SIGLEC9: variants seen among roughly 807,000 people sequenced by gnomAD.
SIGLEC9 encodes sialic acid binding Ig like lectin 9.
SIGLEC9 carries 26 observed loss-of-function variants against 38.3 expected under a neutral mutation model. That is an observed-to-expected ratio of 0.68 (90% confidence interval 0.50 to 0.94). The LOEUF is 0.94. SIGLEC9 is among the 40% of genes least tolerant of loss of function. The pLI is 0.00. For missense variants in SIGLEC9, 556 were observed against 585.7 expected (o/e 0.95, Z 0.52); for synonymous variants, 236 against 248.0 (o/e 0.95, Z 0.45).
At position 51,130,027 on chromosome 19, in the gene SIGLEC9, G is replaced by A. The variant is rs150823857; in HGVS notation, c.1340G>A (p.Arg447Gln). The A allele has an allele frequency of 3.4e-5, 55 of 1,613,794 alleles. No homozygotes were observed. Among genetic ancestry groups the A allele is most frequent in the African/African-American group, 2.9e-4 (22 of 74,992 alleles). ...CAGATGGTGAAGCCTTGGGACTCGC[G>A]GGGACAGGAGGCCACTGACACCGAG... ...SFQMVKPWDS[R>Q]GQEATDTEYS... Residue 447 changes from arginine (R) to glutamine (Q), a missense_variant, in exon 7 of 7, where the codon CGG (arginine) becomes CAG (glutamine). Coordinates refer to ENST00000250360, the MANE Select transcript of SIGLEC9 (RefSeq NM_014441.3).
At chr19:51,128,275 G>A (rs2091991939) in intron 5 of SIGLEC9, 139 bp from the exon 6 acceptor site, 10 of 1,036,214 alleles carry the variant, frequency 9.7e-6, no homozygotes, top group Non-Finnish European at 1.5e-5. Context: ...CTCAACCTTG[G>A]GGTCTCTAAG....
downstream of SIGLEC9, among the ~76,000 whole-genome samples, chr19:51,135,000 C>T (rs760767603): frequency 1.3e-5 from 2 of 152,202 alleles, no homozygotes; most frequent in Non-Finnish European, 2.9e-5. Context: ...CTACATTAAG[C>T]ATCCCAGTCT....
In SIGLEC9 at chr19:51,127,283, C is replaced by G. The variant is rs144427909; in HGVS notation, c.1002C>G (p.Asn334Lys). 2.5e-6 allele frequency: 4 copies of G among 1,611,388 alleles called. No homozygotes were observed. Among genetic ancestry groups the G allele is most frequent in the Non-Finnish European group, 3.4e-6 (4 of 1,178,302 alleles). Residue 334 changes from asparagine (N) to lysine (K), a missense_variant, in exon 4 of 7, where the codon AAC becomes AAG. Physicochemically the swap from Asn to Lys is moderately conservative, Grantham distance 94. Transcript: ENST00000250360. ...TCGGCTCTCAGCAGGTCTACCTGAACGTCTCCCTGCAGAGTGAGTGCACCA... is the reference window on the plus strand; with the variant it reads ...TCGGCTCTCAGCAGGTCTACCTGAAGGTCTCCCTGCAGAGTGAGTGCACCA... ...NPLGSQQVYL[N>K]VSLQSKATSG...
downstream of SIGLEC9, among the ~76,000 whole-genome samples, chr19:51,134,896 C>T (rs1032737575): frequency 2.0e-5 from 3 of 152,144 alleles, no homozygotes; most frequent in Admixed American, 2.0e-4. Context: ...TTCCTGGATG[C>T]TAGGACCAAA....
downstream of SIGLEC9, among the ~76,000 whole-genome samples, chr19:51,135,121 G>C (rs1302058511): frequency 6.6e-6 from 1 of 152,174 alleles, no homozygotes; most frequent in Non-Finnish European, 1.5e-5. Flanking sequence ...TTGTTAGCTG[G>C]TTGTTATGTA....
upstream of SIGLEC9, among the ~76,000 whole-genome samples, chr19:51,122,507 G>A (rs1036038445): frequency 1.3e-5 from 2 of 151,794 alleles, no homozygotes; most frequent in Non-Finnish European, 2.9e-5. This position sits in a 1 kb window ranked among gnomAD's most constrained non-coding sequence, Gnocchi z 4.1. Flanking sequence ...CTTGAACGTG[G>A]GAGGCGGAGC....
chr19:51,123,246 T>C (rs2122828633), upstream of SIGLEC9, among the ~76,000 whole-genome samples: 1 of 152,286 alleles, frequency 6.6e-6, no homozygotes, highest in South Asian at 2.1e-4. Context: ...AGCCGAAGGA[T>C]TGTTCCCCGA....
intron 1 of SIGLEC9, 90 bp downstream of exon 1, chr19:51,125,485 C>T (rs1298377662): frequency 6.4e-7 from 1 of 1,554,342 alleles, no homozygotes; most frequent in African/African-American, 1.4e-5. Context: ...CAGGAGAGGG[C>T]TTAGGGTGAA....
chr19:51,132,697 A>C (rs1287607388), downstream of SIGLEC9, among the ~76,000 whole-genome samples: 1 of 152,190 alleles, frequency 6.6e-6, no homozygotes, highest in Non-Finnish European at 1.5e-5. Flanking sequence ...CTTGGCGTTC[A>C]CTGCAGCTAC....
At position 51,125,236 on chromosome 19, in the gene SIGLEC9, C is replaced by G; in HGVS notation, c.262C>G (p.Arg88Gly). 6.2e-7 allele frequency: 1 copy of G among 1,614,094 alleles called. No individual in the cohort carries two copies. Among genetic ancestry groups the G allele is most frequent in the Non-Finnish European group, 8.5e-7 (1 of 1,179,986 alleles). ...AGCTCGGGCAGTGTGGGAGGAGACT[C>G]GGGACCGATTCCACCTCCTTGGGGA... ...NPARAVWEET[R>G]DRFHLLGDPH... is the part of the protein sequence containing the mutation. Residue 88 changes from arginine to glycine, a missense_variant, in exon 1 of 7, where the codon CGG becomes GGG. By Grantham distance (125) the Arg-to-Gly change is moderately radical (BLOSUM62 -2). Coordinates refer to ENST00000250360, the MANE Select transcript of SIGLEC9 (RefSeq NM_014441.3).
At position 51,128,035 on chromosome 19, in the gene SIGLEC9, G is replaced by A. The variant is rs572997757; in HGVS notation, c.1102G>A (p.Val368Ile). ...LVFLSFCVIF[V>I]VVRSCRKKSA... ...CTTCCTGTCCTTCTGCGTCATCTTC[G>A]TTGTGTAAGCATGGACCCTAGAGAG... Residue 368 changes from valine to isoleucine, a missense_variant, in exon 5 of 7, where the codon GTT becomes ATT. Physicochemically the swap from Val to Ile is conservative, Grantham distance 29. Coordinates refer to ENST00000250360, the MANE Select transcript of SIGLEC9 (RefSeq NM_014441.3). 36 of 1,612,742 alleles carry A rather than the reference G, an allele frequency of 2.2e-5. No homozygotes were observed. Among genetic ancestry groups the A allele is most frequent in the South Asian group, 3.3e-5 (3 of 91,070 alleles).
chr19:51,124,883 G>C (rs2091965178), upstream of SIGLEC9: 22 of 1,498,412 alleles, frequency 1.5e-5, 1 homozygote, highest in East Asian at 5.0e-4. Flanking sequence ...CTTCCTGTAG[G>C]GCCTCCTCTA....
At chr19:51,124,809 C>A, upstream of SIGLEC9, 1 of 842,156 alleles carries the variant, frequency 1.2e-6, no homozygotes, top group Non-Finnish European at 1.8e-6. Context: ...CTGACCCGGG[C>A]CTGACAGTGT....
chr19:51,127,808 T>A (rs1339077742), intron 4 of SIGLEC9, 141 bp from the exon 5 acceptor site: 4 of 562,062 alleles, frequency 7.1e-6, no homozygotes, highest in Non-Finnish European at 1.3e-5. Context: ...AGTCTCTCCA[T>A]GTCCTGCTCT....
At chr19:51,124,092 G>A (rs1263030967), upstream of SIGLEC9, among the ~76,000 whole-genome samples, 1 of 152,132 alleles carries the variant, frequency 6.6e-6, no homozygotes, top group Non-Finnish European at 1.5e-5. Context: ...CATCGGTGGT[G>A]AAGAAACCCT....
At chr19:51,121,402 GTC>G (rs1568608159), upstream of SIGLEC9, among the ~76,000 whole-genome samples, 1 of 151,738 alleles carries the variant, frequency 6.6e-6, no homozygotes, top group African/African-American at 2.4e-5. Flanking sequence ...TATGCATGGC[GTC>G]TCTCTTCCCC....
chr19:51,124,785 TG>T, upstream of SIGLEC9: 1 of 686,254 alleles, frequency 1.5e-6, no homozygotes, highest in Non-Finnish European at 2.4e-6. Flanking sequence ...TGGTGGACGG[TG>T]GATCTCCCAG....
chr19:51,124,795 A>G, upstream of SIGLEC9: 1 of 758,330 alleles, frequency 1.3e-6, no homozygotes, highest in Non-Finnish European at 2.1e-6. Context: ...TGGATCTCCC[A>G]GGGCTGACCC....
At chr19:51,129,741 G>T (rs951086743) in intron 6 of SIGLEC9, 150 bp from the exon 7 acceptor site, 1 of 599,424 alleles carries the variant, frequency 1.7e-6, no homozygotes. Context: ...TAGAGACAGG[G>T]TTTCACCATG....
Sources: gnomAD v4.1 joint callset for allele counts (sites outside exome capture counted in the v4.1 genomes callset) on GRCh38, gnomAD v4.1.1 for gene constraint, Gnocchi (gnomAD v3.1) non-coding constraint, MANE v1.5 for transcripts, NCBI Gene and HGNC (gene_info 2026-07-23, HGNC 2026-07-21) for gene names.